Variants in NXN observed in about 807,000 individuals in gnomAD.
The protein encoded by NXN is nucleoredoxin.
NXN carries 16 observed loss-of-function variants against 48.6 expected under a neutral mutation model. The observed-to-expected ratio is 0.33, with a 90% confidence interval of 0.22 to 0.50. NXN has a LOEUF of 0.50. Among genes scored for constraint, NXN ranks in the 20% least tolerant of loss-of-function variants. The pLI, the probability that NXN is intolerant of heterozygous loss-of-function variation, is 0.98. For synonymous variants in NXN, 281 were observed against 269.6 expected, an observed-to-expected ratio of 1.04 and a Z score of -0.41; for missense variants, 492 against 605.5, an observed-to-expected ratio of 0.81 and a Z score of 1.97.
intron 3 of NXN, among the ~76,000 whole-genome samples, chr17:823,201 C>G (rs1912910015): frequency 6.6e-6 from 1 of 152,052 alleles, no homozygotes; most frequent in African/African-American, 2.4e-5. Flanking sequence ...GAGTTCGAGA[C>G]CAGCCTGGCC....
At chr17:914,057 A>G (rs1328718866) in intron 1 of NXN, among the ~76,000 whole-genome samples, 1 of 151,358 alleles carries the variant, frequency 6.6e-6, no homozygotes, top group East Asian at 1.9e-4. Flanking sequence ...CCACCACCAC[A>G]CCCAGCTAAT....
At chr17:823,155 T>C (rs908099048) in intron 3 of NXN, among the ~76,000 whole-genome samples, 2 of 150,630 alleles carry the variant, frequency 1.3e-5, no homozygotes, top group Non-Finnish European at 2.9e-5. Flanking sequence ...TCCCAGCACT[T>C]TGGGAGGCCG....
chr17:809,763 C>T (rs1911801919), intron 5 of NXN, among the ~76,000 whole-genome samples: 1 of 102,608 alleles, frequency 9.7e-6, no homozygotes, highest in African/African-American at 3.3e-5. Flanking sequence ...TTGCGCCACA[C>T]TGTTTAGTAA....
At chr17:934,989 T>TA (rs1192270308) in intron 1 of NXN, among the ~76,000 whole-genome samples, 1 of 151,570 alleles carries the variant, frequency 6.6e-6, no homozygotes, top group Non-Finnish European at 1.5e-5. Flanking sequence ...TATTTTTTTT[T>TA]ATTTATTTAT....
rs138830404 is a variant in NXN, at chr17:861,425, C to G, written c.361-35347G>C. Among the ~76,000 whole-genome samples, 880 of 152,080 alleles carry G rather than the reference C, an allele frequency of 5.8e-3. 13 individuals carry two copies. Among genetic ancestry groups the G allele is most frequent in the African/African-American group, 0.019 (809 of 41,494 alleles). On this transcript the variant is annotated intron_variant, in intron 1 of 7. Coordinates refer to ENST00000336868, the MANE Select transcript of NXN (RefSeq NM_022463.5). ...CTGGGATTACAGGCGTGAGCCGCCG[C>G]GCCTGACCATTCTTTGCTCTTTCTA... is the stretch of plus-strand genomic sequence containing the variant.
intron 1 of NXN, among the ~76,000 whole-genome samples, chr17:854,891 G>C (rs1441618575): frequency 6.6e-6 from 1 of 151,890 alleles, no homozygotes; most frequent in Non-Finnish European, 1.5e-5. Context: ...CCCAGGAGGC[G>C]GAGGTTGCAG....
chr17:884,411 A>T (rs1282301536), intron 1 of NXN, among the ~76,000 whole-genome samples: 1 of 143,860 alleles, frequency 7.0e-6, no homozygotes, highest in African/African-American at 2.6e-5. Flanking sequence ...TCTCTAAAAA[A>T]TAATAATCAT....
rs538566389 is a variant in NXN, at chr17:922,462, A to G, written c.360+56857T>C. ...TCCGTCTCAAAAAAAGAAAAAAAGA[A>G]AAGTGTGAGAACCATTAGTTGGAAA... On this transcript the variant is annotated intron_variant, in intron 1 of 7. Coordinates refer to ENST00000336868, the MANE Select transcript of NXN (RefSeq NM_022463.5). Among the ~76,000 whole-genome samples the G allele has an allele frequency of 5.9e-5, 9 of 152,198 alleles. No homozygotes were observed. In the East Asian group the frequency reaches 1.4e-3, roughly 23 times the overall value.
At position 919,806 on chromosome 17, in the gene NXN, ATCAT is replaced by A. The variant is rs1183920683; in HGVS notation, c.360+59509_360+59512del. On this transcript the variant is annotated intron_variant, in intron 1 of 7. Coordinates refer to ENST00000336868, the MANE Select transcript of NXN (RefSeq NM_022463.5). This position sits in a 1 kb window ranked among gnomAD's most constrained non-coding sequence, Gnocchi z 5.1. ...AACACCAGGAAACGCTCTCCCTTCC[ATCAT>A]TCAATCTTGGCGGACCACACTGGTA... 6.6e-6 allele frequency among the ~76,000 whole-genome samples: 1 copy of A among 152,124 alleles called. No homozygotes were observed. Among genetic ancestry groups the A allele is most frequent in the Non-Finnish European group, 1.5e-5 (1 of 68,016 alleles).
At position 958,568 on chromosome 17, in the gene NXN, C is replaced by T. The variant is rs997110851; in HGVS notation, c.360+20751G>A. 1.3e-5 allele frequency among the ~76,000 whole-genome samples: 2 copies of T among 152,086 alleles called. No homozygotes were observed. Among genetic ancestry groups the T allele is most frequent in the South Asian group, 2.1e-4 (1 of 4,824 alleles). On this transcript the variant is annotated intron_variant, in intron 1 of 7. Coordinates refer to ENST00000336868, the MANE Select transcript of NXN (RefSeq NM_022463.5). This position sits in a 1 kb window ranked among gnomAD's most constrained non-coding sequence, Gnocchi z 6.9. ...CGGGTGGATCACGAGGTCAGGAGTT[C>T]GAGACCAGCCTGGCCAACATGGTGA...
chr17:842,499 G>T (rs74764495), intron 1 of NXN: 2 of 985,080 alleles, frequency 2.0e-6, no homozygotes, highest in African/African-American at 1.7e-5. Flanking sequence ...GGATGAACAC[G>T]GGGCCGCGTC....
Position 820,781 on chromosome 17 carries a change from G to A in NXN, c.714-1236C>T, listed in dbSNP as rs1221703775. On this transcript the variant is annotated intron_variant, in intron 4 of 7. Transcript: ENST00000336868. ...TCTACTAAAAATACAAAAATTAGCC[G>A]GGTGTGGTGGCCGGCGCCTGTAGTC... 2.8e-5 allele frequency among the ~76,000 whole-genome samples: 2 copies of A among 72,416 alleles called. 1 individual carries two copies. Among genetic ancestry groups the A allele is most frequent in the Non-Finnish European group, 5.0e-5 (2 of 40,036 alleles). The allele number at this position is 72,416 out of a possible 152,430, so 47.5% of individuals were successfully genotyped here. A position where few individuals can be genotyped will look rare whatever the true frequency, so the allele number is the denominator to read the frequency against.
At chr17:901,248 C>CGG (rs141243540) in intron 1 of NXN, among the ~76,000 whole-genome samples, 2 of 48,868 alleles carry the variant, frequency 4.1e-5, no homozygotes. Context: ...CATTTGTATC[C>CGG]AAAACCCCTC....
intron 1 of NXN, among the ~76,000 whole-genome samples, chr17:965,937 G>A (rs333627): frequency 0.17 from 25,832 of 151,554 alleles, 5,618 homozygotes; most frequent in African/African-American, 0.5. Flanking sequence ...CAACATGGTG[G>A]AACCCTGTCT....
chr17:971,982 A>G (rs1341332229), intron 1 of NXN, among the ~76,000 whole-genome samples: 1 of 152,040 alleles, frequency 6.6e-6, no homozygotes, highest in African/African-American at 2.4e-5. Flanking sequence ...CCTGGCCAAC[A>G]TGGTGAAACC....
chr17:837,846 C>A (rs1374076462), intron 1 of NXN, among the ~76,000 whole-genome samples: 1 of 152,212 alleles, frequency 6.6e-6, no homozygotes, highest in Non-Finnish European at 1.5e-5. Flanking sequence ...TCCAAACCCT[C>A]CTGGTGGCTC....
intron 1 of NXN, among the ~76,000 whole-genome samples, chr17:905,523 C>A (rs1244241126): frequency 6.6e-6 from 1 of 152,162 alleles, no homozygotes; most frequent in Non-Finnish European, 1.5e-5. Context: ...TGGAGGGGTG[C>A]TCTTACAGGC....
At chr17:860,985 G>A (rs967929712) in intron 1 of NXN, among the ~76,000 whole-genome samples, 2 of 151,424 alleles carry the variant, frequency 1.3e-5, no homozygotes, top group African/African-American at 4.8e-5. Context: ...CCATGATTAC[G>A]GATGTTGCAA....
chr17:900,497 CAGG>C (rs1265127799), intron 1 of NXN, among the ~76,000 whole-genome samples: 1 of 152,132 alleles, frequency 6.6e-6, no homozygotes, highest in Non-Finnish European at 1.5e-5. Flanking sequence ...GTACAAACAT[CAGG>C]AGGAAATCTC....
Sources: allele counts gnomAD v4.1 joint callset (sites outside exome capture counted in the v4.1 genomes callset), GRCh38; gene constraint gnomAD v4.1.1; non-coding constraint Gnocchi (gnomAD v3.1); transcripts MANE v1.5; gene names NCBI Gene and HGNC (gene_info 2026-07-23, HGNC 2026-07-21).